AP1G2: variants seen among roughly 807,000 people sequenced by gnomAD.
AP1G2 encodes AP-1 complex subunit gamma-like 2.
In AP1G2, 85 loss-of-function variants were observed where a neutral mutation model predicts 95.8. The observed-to-expected ratio is 0.89, with a 90% CI of 0.74 to 1.06. The LOEUF is 1.06. Ranked by LOEUF, AP1G2 falls within the 50% of genes least tolerant of loss-of-function variation. The probability of loss-of-function intolerance (pLI) is 0.00; values close to 1 mark genes in which losing one functional copy is unlikely to be tolerated. For synonymous variants in AP1G2, 378 were observed against 400.0 expected, an observed-to-expected ratio of 0.94 and a Z score of 0.66; for missense variants, 967 against 1,005.8, an observed-to-expected ratio of 0.96 and a Z score of 0.52.
intron 2 of AP1G2, chr14:23,566,896 A>G (rs2139401946): frequency 1.1e-6 from 1 of 885,892 alleles, no homozygotes; most frequent in Non-Finnish European, 1.7e-6. Context: ...AGAGGAGGAG[A>G]TGCCTGCCCT....
intron 13 of AP1G2, 41 bp from the exon 14 acceptor site, chr14:23,563,543 T>G (rs1437030187): frequency 6.2e-7 from 1 of 1,614,248 alleles, no homozygotes; most frequent in Non-Finnish European, 8.5e-7. Flanking sequence ...TGGTGAATCT[T>G]GACCACTTCT....
Position 23,566,049 on chromosome 14 carries a change from G to GC in AP1G2, c.568+14dup. ...ATAGACCTGAAGCAAAGGATGGGGGGCCCCACAGCCTTACCATGGTGACGC... is the reference window on the plus strand; with the variant it reads ...ATAGACCTGAAGCAAAGGATGGGGGGCCCCCACAGCCTTACCATGGTGACGC... On this transcript the variant is annotated intron_variant, in intron 5 of 21. Transcript: ENST00000397120. The GC allele has an allele frequency of 6.2e-7, 1 of 1,614,150 alleles. No individual in the cohort carries two copies. Among genetic ancestry groups the GC allele is most frequent in the Non-Finnish European group, 8.5e-7 (1 of 1,180,020 alleles).
Position 23,562,530 on chromosome 14 carries a change from T to A in AP1G2, c.1474A>T (p.Asn492Tyr). Residue 492 changes from asparagine (N) to tyrosine (Y), a missense_variant, in exon 15 of 22, where the codon AAC becomes TAC. Asn to Tyr is a moderately radical substitution (Grantham distance 143). Coordinates refer to ENST00000397120, the MANE Select transcript of AP1G2 (RefSeq NM_003917.5). Reference sequence around the variant, plus strand: ...TGAAGGGGCTCAATCTCCTCGCAGTTCCCTGCCAGCAGGAGGTCCCCATAC... The same window carrying A: ...TGAAGGGGCTCAATCTCCTCGCAGTACCCTGCCAGCAGGAGGTCCCCATAC... ...GEYGDLLLAG[N>Y]CEEIEPLQVD... is the part of the protein sequence containing the mutation. 6.2e-7 allele frequency: 1 copy of A among 1,614,162 alleles called. No homozygotes were observed.
rs1883334870 is a variant in AP1G2 at position 23,560,014 on chromosome 14, G to A, written c.2180C>T (p.Ala727Val). 1 of 1,609,296 alleles carries A rather than the reference G, an allele frequency of 6.2e-7. No homozygotes were observed. Residue 727 changes from alanine (A) to valine (V), a missense_variant, in exon 21 of 22, where the codon GCC (alanine) becomes GTC (valine). Coordinates refer to ENST00000397120, the MANE Select transcript of AP1G2 (RefSeq NM_003917.5). ...AGCTGGAACTGTGTTCCCACTGGGGGCCTGCAGCTGCAGCTGGAGACTCTG... is the reference window on the plus strand; with the variant it reads ...AGCTGGAACTGTGTTCCCACTGGGGACCTGCAGCTGCAGCTGGAGACTCTG... ...VPKSLQLQLQAPSGNTVPARG... is the reference protein window; with the variant it reads ...VPKSLQLQLQVPSGNTVPARG...
In AP1G2 at chr14:23,567,400, C is replaced by T. The variant is rs1888588880; in HGVS notation, c.-5-81G>A. On this transcript the variant is annotated intron_variant, in intron 1 of 21. Transcript: ENST00000397120. The surrounding 1 kb of genome is among the most constrained non-coding windows in gnomAD (Gnocchi z 5.3). ...GGCCCAGGCCCGTCCTGTGTCAAGA[C>T]CCTAAGAGCCCGGGTCCCACAGGTA... is the stretch of plus-strand genomic sequence containing the variant. 4.1e-6 allele frequency: 6 copies of T among 1,478,250 alleles called. No individual in the cohort carries two copies. The highest frequency in any genetic ancestry group is 5.3e-6 in the Non-Finnish European group (6 of 1,122,156). The allele number at this position is 1,478,250 out of a possible 1,614,324, so 91.6% of individuals were successfully genotyped here.
Position 23,567,737 on chromosome 14 carries a change from A to T in AP1G2, c.-6+2T>A. ...CTGCCTACCCCAGGACTCCAGCCTCACCTGGCTTCTGCCTCAACTCCGCTC... is the reference window on the plus strand; with the variant it reads ...CTGCCTACCCCAGGACTCCAGCCTCTCCTGGCTTCTGCCTCAACTCCGCTC... On this transcript the variant is annotated splice_donor_variant, in intron 1 of 21. Transcript: ENST00000397120. LOFTEE classifies it low-confidence loss of function (5UTR_SPLICE). This position sits in a 1 kb window ranked among gnomAD's most constrained non-coding sequence, Gnocchi z 5.3. 1 of 954,702 alleles carries T rather than the reference A, an allele frequency of 1.0e-6. No homozygotes were observed. Among genetic ancestry groups the T allele is most frequent in the Non-Finnish European group, 1.3e-6 (1 of 797,638 alleles). 59.1% of individuals were successfully genotyped at this position (954,702 alleles called of 1,614,324 possible).
intron 3 of AP1G2, 69 bp from the exon 4 acceptor site, chr14:23,566,488 G>A: frequency 1.2e-6 from 2 of 1,607,096 alleles, no homozygotes; most frequent in South Asian, 1.1e-5. Context: ...CCCACAACAG[G>A]CAGTCCCCTG....
At chr14:23,565,346 G>A (rs1194163167) in intron 7 of AP1G2, 147 bp from the exon 8 acceptor site, 5 of 871,684 alleles carry the variant, frequency 5.7e-6, no homozygotes, top group Non-Finnish European at 9.1e-6. Context: ...CTTGGTCCTA[G>A]GAGGGGAACA....
At chr14:23,566,181 A>C (rs1466889392) in intron 4 of AP1G2, 21 bp from the exon 5 acceptor site, 8 of 1,594,660 alleles carry the variant, frequency 5.0e-6, no homozygotes, top group Non-Finnish European at 6.8e-6. Context: ...CAGGGGCCTC[A>C]GACAGGGGTC....
At chr14:23,560,523 C>G (rs946363156) in intron 19 of AP1G2, 105 bp from the exon 20 acceptor site, 7 of 1,191,744 alleles carry the variant, frequency 5.9e-6, no homozygotes, top group Non-Finnish European at 7.0e-6. Context: ...CTGCACTACT[C>G]GAAAGGCTAG....
At position 23,565,684 on chromosome 14, in the gene AP1G2, T is replaced by A; in HGVS notation, c.663A>T (p.Val221=). The change falls in exon 7 of 22, where the codon GTA becomes GTT. Residue 221 remains valine (V), a synonymous_variant. Transcript: ENST00000397120. ...TTGTCACCAGAGTCCGGAGGATGTG[T>A]ACCAGCTGGGGTACCACCTGGAGGG... The part of the protein sequence containing the change: ...RHFRKVVPQL[V]HILRTLVTMG... 1 of 1,614,114 alleles carries A rather than the reference T, an allele frequency of 6.2e-7. No homozygotes were observed. Among genetic ancestry groups the A allele is most frequent in the Non-Finnish European group, 8.5e-7 (1 of 1,179,948 alleles).
At position 23,561,445 on chromosome 14, in the gene AP1G2, C is replaced by A. The variant is rs750779439; in HGVS notation, c.1858-14G>T. On this transcript the variant is annotated splice_polypyrimidine_tract_variant and intron_variant, in intron 18 of 21. Transcript: ENST00000397120. The stretch of plus-strand genomic sequence containing the variant: ...GAGCTGTGAGGCCTGGCAGAAGGGA[C>A]AGAAGGGGCAGGGCTGGGTATGAAG... 6.2e-7 allele frequency: 1 copy of A among 1,613,106 alleles called. No homozygotes were observed. Among genetic ancestry groups the A allele is most frequent in the Admixed American group, 1.7e-5 (1 of 59,970 alleles).
At chr14:23,565,041 G>A in intron 8 of AP1G2, 78 bp downstream of exon 8, 1 of 1,351,732 alleles carries the variant, frequency 7.4e-7, no homozygotes, top group Non-Finnish European at 1.1e-6. Flanking sequence ...ACTGCACAGT[G>A]ACGAGTCATG....
chr14:23,566,761 C>T, intron 2 of AP1G2, 75 bp from the exon 3 acceptor site: 5 of 1,572,346 alleles, frequency 3.2e-6, no homozygotes, highest in Non-Finnish European at 4.4e-6. Context: ...CCATCTTCCT[C>T]TTTAAAACCA....
Position 23,562,531 on chromosome 14 carries a change from C to T in AP1G2, c.1473G>A (p.Gly491=), listed in dbSNP as rs766023715. ...IGEYGDLLLA[G]NCEEIEPLQV... ...GAAGGGGCTCAATCTCCTCGCAGTTCCCTGCCAGCAGGAGGTCCCCATACT... is the reference window on the plus strand; with the variant it reads ...GAAGGGGCTCAATCTCCTCGCAGTTTCCTGCCAGCAGGAGGTCCCCATACT... The change falls in exon 15 of 22, where the codon GGG becomes GGA. Residue 491 remains glycine, a synonymous_variant. Transcript: ENST00000397120. 1.2e-6 allele frequency: 2 copies of T among 1,614,218 alleles called. No homozygotes were observed. Among genetic ancestry groups the T allele is most frequent in the South Asian group, 2.2e-5 (2 of 91,084 alleles).
intron 7 of AP1G2, 39 bp downstream of exon 7, chr14:23,565,565 CCT>C: frequency 1.3e-6 from 2 of 1,529,240 alleles, no homozygotes; most frequent in Non-Finnish European, 1.8e-6. Context: ...ACTGCTATGC[CCT>C]CTCTGATCCA....
chr14:23,563,805 G>C lies in AP1G2; in HGVS notation c.1143C>G (p.Ala381=), dbSNP rs1218314190. The C allele has an allele frequency of 6.2e-7, 1 of 1,614,164 alleles. No homozygotes were observed. The highest frequency in any genetic ancestry group is 8.5e-7 in the Non-Finnish European group (1 of 1,180,018). The change falls in exon 12 of 22, where the codon GCC becomes GCG. Residue 381 remains alanine, a synonymous_variant. Coordinates refer to ENST00000397120, the MANE Select transcript of AP1G2 (RefSeq NM_003917.5). ...GAAAGGCCTGCAGCTCTTGCATCAT[G>C]GCTCGCACATTGGAGCTATTTACCA... ...LALVNSSNVR[A]MMQELQAFLE...
chr14:23,565,764 T>TC (rs1451542943), intron 6 of AP1G2, 52 bp downstream of exon 6: 2 of 1,607,536 alleles, frequency 1.2e-6, no homozygotes, highest in African/African-American at 1.3e-5. Flanking sequence ...CCCCATTCCT[T>TC]CCCCACTGAC....
chr14:23,559,679 T>G lies in AP1G2; in HGVS notation c.*70A>C. ...GCCACCTGCTGGTAGCCCTCAGGTG[T>G]AGGTTCGAAGCTGCTGGGGCCCCCT... On this transcript the variant is annotated 3_prime_UTR_variant, in exon 22 of 22. Transcript: ENST00000397120. The G allele has an allele frequency of 1.4e-6, 2 of 1,418,238 alleles. No individual in the cohort carries two copies. The highest frequency in any genetic ancestry group is 2.0e-6 in the Non-Finnish European group (2 of 1,013,366). The allele number at this position is 1,418,238 out of a possible 1,614,324, so 87.9% of individuals were successfully genotyped here. A position where few individuals can be genotyped will look rare whatever the true frequency, so the allele number is the denominator to read the frequency against.
Sources: allele counts gnomAD v4.1 joint callset, GRCh38; gene constraint gnomAD v4.1.1; non-coding constraint Gnocchi (gnomAD v3.1); transcripts MANE v1.5; gene names NCBI Gene and HGNC (gene_info 2026-07-23, HGNC 2026-07-21).